Variants in ARHGAP15 observed in about 807,000 individuals in gnomAD.
ARHGAP15 encodes the protein rho GTPase-activating protein 15.
Under a neutral mutation model 63.7 loss-of-function variants are expected in ARHGAP15, and 51 were observed. The observed-to-expected ratio is 0.80, with a 90% CI of 0.64 to 1.01. The LOEUF (loss-of-function observed/expected upper bound fraction) is 1.01. ARHGAP15 is among the 50% of genes least tolerant of loss of function. The probability of loss-of-function intolerance (pLI) is 0.00; values close to 1 mark genes in which losing one functional copy is unlikely to be tolerated. For missense variants in ARHGAP15, 560 were observed against 564.6 expected (o/e 0.99, Z 0.08); for synonymous variants, 191 against 193.8 (o/e 0.99, Z 0.12).
chr2:143,746,606 CCTAA>C (rs1223091727), intron 13 of ARHGAP15, among the ~76,000 whole-genome samples: 8 of 152,216 alleles, frequency 5.3e-5, no homozygotes, highest in African/African-American at 1.7e-4. Context: ...TACTGAATGC[CCTAA>C]CTTTTTTACC....
At chr2:143,723,700 T>G (rs1487217695) in intron 13 of ARHGAP15, among the ~76,000 whole-genome samples, 2 of 152,196 alleles carry the variant, frequency 1.3e-5, no homozygotes, top group East Asian at 3.8e-4. Context: ...AAACCATCCT[T>G]GCCCTCATGC....
intron 12 of ARHGAP15, among the ~76,000 whole-genome samples, chr2:143,687,532 C>T (rs771277372): frequency 6.6e-6 from 1 of 152,122 alleles, no homozygotes; most frequent in Non-Finnish European, 1.5e-5. Context: ...TGCAAGTGCC[C>T]CTACGCCCAA....
At chr2:143,510,479 G>C (rs1385698206) in intron 9 of ARHGAP15, among the ~76,000 whole-genome samples, 1 of 152,192 alleles carries the variant, frequency 6.6e-6, no homozygotes, top group Non-Finnish European at 1.5e-5. Flanking sequence ...CCAGCTACCA[G>C]AGTTAGAAGA....
chr2:143,239,990 C>CA (rs60960176), intron 5 of ARHGAP15, among the ~76,000 whole-genome samples: 2,615 of 26,404 alleles, frequency 0.099, 716 homozygotes, highest in African/African-American at 0.16. Context: ...GACTCTGTCT[C>CA]AAAAAAAAAA....
At chr2:143,542,699 A>T (rs1024563777) in intron 10 of ARHGAP15, among the ~76,000 whole-genome samples, 1 of 141,630 alleles carries the variant, frequency 7.1e-6, no homozygotes, top group Non-Finnish European at 1.5e-5. Flanking sequence ...AGTATCACAT[A>T]TATAATATAT....
chr2:143,251,411 TAA>T (rs1385334301), intron 6 of ARHGAP15, among the ~76,000 whole-genome samples: 2 of 152,054 alleles, frequency 1.3e-5, no homozygotes, highest in African/African-American at 2.4e-5. Context: ...GGCCCTTGAA[TAA>T]AAGTCAATTC....
chr2:143,468,540 A>T (rs191105287), intron 8 of ARHGAP15, among the ~76,000 whole-genome samples: 1 of 152,092 alleles, frequency 6.6e-6, no homozygotes, highest in Non-Finnish European at 1.5e-5. Flanking sequence ...CTTGTATTTG[A>T]TGCCATAAAG....
chr2:143,543,046 T>C (rs1574610469), intron 10 of ARHGAP15, among the ~76,000 whole-genome samples: 1 of 151,946 alleles, frequency 6.6e-6, no homozygotes, highest in Middle Eastern at 3.4e-3. Flanking sequence ...TTTATTTCCT[T>C]TGGATATATA....
chr2:143,163,978 C>A (rs1574032866), intron 2 of ARHGAP15, among the ~76,000 whole-genome samples: 2 of 152,142 alleles, frequency 1.3e-5, no homozygotes, highest in Non-Finnish European at 2.9e-5. Flanking sequence ...GAAACCCATC[C>A]CTAAACGGTT....
chr2:143,651,968 C>T (rs956013832), intron 12 of ARHGAP15, among the ~76,000 whole-genome samples: 1 of 151,916 alleles, frequency 6.6e-6, no homozygotes, highest in African/African-American at 2.4e-5. Context: ...AGTGGAAATA[C>T]CATCCTTTCT....
intron 2 of ARHGAP15, among the ~76,000 whole-genome samples, chr2:143,159,741 A>G (rs898725931): frequency 6.6e-6 from 1 of 151,930 alleles, no homozygotes; most frequent in Non-Finnish European, 1.5e-5. Context: ...GGATTATAGG[A>G]TTCCTAAATA....
At chr2:143,476,464 A>G (rs1300994670) in intron 8 of ARHGAP15, among the ~76,000 whole-genome samples, 2 of 152,228 alleles carry the variant, frequency 1.3e-5, no homozygotes, top group Admixed American at 6.5e-5. Flanking sequence ...CTTAAGTCAC[A>G]TAATGAAGAA....
chr2:143,589,293 T>C (rs1435716201), intron 11 of ARHGAP15, among the ~76,000 whole-genome samples: 1 of 152,234 alleles, frequency 6.6e-6, no homozygotes, highest in Non-Finnish European at 1.5e-5. Context: ...CTACTGCTTA[T>C]AGAAATTGAC....
chr2:143,345,033 TCAA>T (rs931343531), intron 6 of ARHGAP15, among the ~76,000 whole-genome samples: 4 of 152,096 alleles, frequency 2.6e-5, no homozygotes, highest in African/African-American at 9.7e-5. Flanking sequence ...AACAATAACA[TCAA>T]CAAATCACAC....
chr2:143,347,639 A>T (rs1685354290), intron 6 of ARHGAP15, among the ~76,000 whole-genome samples: 1 of 152,074 alleles, frequency 6.6e-6, no homozygotes, highest in Non-Finnish European at 1.5e-5. Context: ...TATATAGAAC[A>T]TTTACGTTTG....
chr2:143,612,323 A>G (rs892346682), intron 11 of ARHGAP15, among the ~76,000 whole-genome samples: 2 of 152,176 alleles, frequency 1.3e-5, no homozygotes, highest in Non-Finnish European at 2.9e-5. Context: ...GTTAAATCAT[A>G]GACTAATTAG....
intron 13 of ARHGAP15, among the ~76,000 whole-genome samples, chr2:143,742,971 TTAAG>T (rs1321629207): frequency 6.6e-6 from 1 of 152,080 alleles, no homozygotes; most frequent in African/African-American, 2.4e-5. Context: ...CAGGCTGGGG[TTAAG>T]TGAGCTGGGA....
chr2:143,437,397 G>A, intron 8 of ARHGAP15: 1 of 195,844 alleles, frequency 5.1e-6, no homozygotes, highest in Non-Finnish European at 1.0e-5. Context: ...ATACATTAAA[G>A]GGTATGAGTG....
chr2:143,413,966 T>TGTGTGTGCGCGCGCGCGCGCGCGC, intron 6 of ARHGAP15, among the ~76,000 whole-genome samples: 150 of 117,896 alleles, frequency 1.3e-3, no homozygotes, highest in South Asian at 2.6e-3. Context: ...TGTGTGTGTG[T>TGTGTGTGCGCGCGCGCGCGCGCGC]GCGCGCTCTC....
Sources: allele counts gnomAD v4.1 joint callset (sites outside exome capture counted in the v4.1 genomes callset), GRCh38; gene constraint gnomAD v4.1.1; transcripts MANE v1.5; gene names NCBI Gene and HGNC (gene_info 2026-07-23, HGNC 2026-07-21).